Variants in HAT1 observed in about 807,000 individuals in gnomAD.
HAT1 encodes the protein histone acetyltransferase type B catalytic subunit.
In HAT1, 20 loss-of-function variants were observed where a neutral mutation model predicts 56.6. That is an observed-to-expected ratio of 0.35 (90% confidence interval 0.25 to 0.51). The LOEUF (loss-of-function observed/expected upper bound fraction) is 0.51, where lower values mean the gene tolerates loss of function less well. Ranked by LOEUF, HAT1 falls within the 20% of genes least tolerant of loss-of-function variation. HAT1 has a pLI of 0.95. For missense variants in HAT1, 408 were observed against 504.3 expected (o/e 0.81, Z 1.83); for synonymous variants, 146 against 165.5 (o/e 0.88, Z 0.91).
rs747987868 is a variant in HAT1, at chr2:171,976,176, C to T, written c.843C>T (p.Ser281=). ...ATTTAGCGGAAGATCCATCCAAAAG[C>T]TATGTGAAATTACGAGACTTTGTGC... is the stretch of plus-strand genomic sequence containing the variant. The part of the protein sequence containing the change: ...LDITAEDPSK[S]YVKLRDFVLV... The change falls in exon 9 of 11, where the codon AGC becomes AGT. Residue 281 remains serine, a synonymous_variant. Transcript: ENST00000264108. 1.3e-6 allele frequency: 2 copies of T among 1,583,558 alleles called. No individual in the cohort carries two copies. The highest frequency in any genetic ancestry group is 4.6e-5 in the East Asian group (2 of 43,870).
intron 10 of HAT1, chr2:171,979,721 C>T (rs772331209): frequency 4.3e-5 from 7 of 162,268 alleles, no homozygotes; most frequent in Non-Finnish European, 8.0e-5. Flanking sequence ...GCAGGAGAAT[C>T]GCTTGAATCC....
rs181820475 is a variant in HAT1 at position 171,930,297 on chromosome 2, G to A, written c.112+4656G>A. On this transcript the variant is annotated intron_variant, in intron 2 of 10. Coordinates refer to ENST00000264108, the MANE Select transcript of HAT1 (RefSeq NM_003642.4). ...AGTGATCCTCTTACCACAGCTTCCC[G>A]AGTAGCTGGGACTCCGCATACACCA... Among the ~76,000 whole-genome samples the A allele has an allele frequency of 1.4e-3, 219 of 152,142 alleles. 1 individual carries two copies. The highest frequency in any genetic ancestry group is 5.2e-3 in the African/African-American group (216 of 41,486).
chr2:171,965,598 T>G lies in HAT1; in HGVS notation c.489+81T>G, dbSNP rs1472063399. The stretch of plus-strand genomic sequence containing the variant: ...TGTAGTTTTGTTGTCAGTGATTTAT[T>G]CTAACTGCAGTAAACAAGTTTTAAT... On this transcript the variant is annotated intron_variant, in intron 5 of 10. Transcript: ENST00000264108. The G allele has an allele frequency of 4.8e-6, 5 of 1,035,820 alleles. No homozygotes were observed. In the African/African-American group the frequency reaches 8.0e-5, roughly 17 times the overall value. 64.2% of individuals were successfully genotyped at this position (1,035,820 alleles called of 1,614,324 possible).
At chr2:171,969,591 A>G (rs2105338246) in intron 8 of HAT1, among the ~76,000 whole-genome samples, 1 of 152,334 alleles carries the variant, frequency 6.6e-6, no homozygotes, top group South Asian at 2.1e-4. Flanking sequence ...AGGATGTCAT[A>G]CATTATTGGG....
rs138709778 is a variant in HAT1 at position 171,944,441 on chromosome 2, G to A, written c.113-2267G>A. Among the ~76,000 whole-genome samples, 591 of 152,336 alleles carry A rather than the reference G, an allele frequency of 3.9e-3. 3 individuals are homozygous for A. Among genetic ancestry groups the A allele is most frequent in the Middle Eastern group, 0.024 (7 of 294 alleles). On this transcript the variant is annotated intron_variant, in intron 2 of 10. Coordinates refer to ENST00000264108, the MANE Select transcript of HAT1 (RefSeq NM_003642.4). ...TAGATTTAAGATAAAAATTTTTGGT[G>A]AGAAAACTTCATGGGTGATGCAGCA...
Position 171,965,815 on chromosome 2 carries a change from A to C in HAT1, c.518A>C (p.Glu173Ala). ...KADMTCRGFR[E>A]YHERLQTFLM... is the part of the protein sequence containing the mutation. ...GACATGACATGTAGAGGCTTTCGAGAATATCATGAAAGGCTTCAGACCTTT... is the reference window on the plus strand; with the variant it reads ...GACATGACATGTAGAGGCTTTCGAGCATATCATGAAAGGCTTCAGACCTTT... The change falls in exon 6 of 11, where the codon GAA (glutamate) becomes GCA (alanine). Residue 173 changes from glutamate to alanine, a missense_variant. Physicochemically the swap from Glu to Ala is moderately radical, Grantham distance 107 (BLOSUM62 -1). Transcript: ENST00000264108. 6 of 1,613,362 alleles carry C rather than the reference A, an allele frequency of 3.7e-6. No homozygotes were observed. Among genetic ancestry groups the C allele is most frequent in the Non-Finnish European group, 5.1e-6 (6 of 1,179,394 alleles).
intron 2 of HAT1, among the ~76,000 whole-genome samples, chr2:171,945,288 AAATAAAAAT>A (rs1687130420): frequency 1.3e-5 from 2 of 152,162 alleles, no homozygotes; most frequent in African/African-American, 4.8e-5. Flanking sequence ...CAACAAATAC[AAATAAAAAT>A]AATAAAAGGA....
At chr2:171,962,291 A>G (rs1281469229) in intron 4 of HAT1, among the ~76,000 whole-genome samples, 1 of 152,254 alleles carries the variant, frequency 6.6e-6, no homozygotes, top group Non-Finnish European at 1.5e-5. Context: ...CTACCAGAAT[A>G]TCTAACTAGA....
At chr2:171,964,905 G>A (rs747688959) in intron 4 of HAT1, 1 of 153,128 alleles carries the variant, frequency 6.5e-6, no homozygotes, top group African/African-American at 2.4e-5. Context: ...TTGTGAGATT[G>A]CTATTCATTT....
chr2:171,953,228 T>C (rs1483889496), intron 4 of HAT1, among the ~76,000 whole-genome samples: 30 of 151,752 alleles, frequency 2.0e-4, no homozygotes, highest in Middle Eastern at 3.4e-3. Context: ...TGTCTGTAAT[T>C]CCAGCTACTC....
chr2:171,944,275 A>G (rs1213772590), intron 2 of HAT1, among the ~76,000 whole-genome samples: 2 of 152,200 alleles, frequency 1.3e-5, no homozygotes, highest in East Asian at 1.9e-4. Flanking sequence ...TTTCCCCTAC[A>G]TGACATTGAT....
At chr2:171,952,008 C>T (rs1687320490) in intron 3 of HAT1, among the ~76,000 whole-genome samples, 1 of 152,168 alleles carries the variant, frequency 6.6e-6, no homozygotes, top group African/African-American at 2.4e-5. Flanking sequence ...TTCTTTCAAA[C>T]ACTTTTCTTT....
At chr2:171,973,700 T>C (rs1199423414) in intron 8 of HAT1, among the ~76,000 whole-genome samples, 1 of 152,154 alleles carries the variant, frequency 6.6e-6, no homozygotes, top group Non-Finnish European at 1.5e-5. Flanking sequence ...ATGTGAAGGA[T>C]GTAGGTCGAA....
At chr2:171,970,133 T>C (rs1687777930) in intron 8 of HAT1, among the ~76,000 whole-genome samples, 1 of 152,022 alleles carries the variant, frequency 6.6e-6, no homozygotes, top group East Asian at 1.9e-4. Context: ...GCACTCCAGC[T>C]AGGGGGACAG....
chr2:171,947,773 G>A (rs994439025), intron 3 of HAT1, among the ~76,000 whole-genome samples: 1 of 152,126 alleles, frequency 6.6e-6, no homozygotes, highest in African/African-American at 2.4e-5. Context: ...TGGCTACTCG[G>A]GAGGCTGAGG....
Position 171,966,453 on chromosome 2 carries a change from T to A in HAT1, c.656T>A (p.Val219Glu). ...NKDGATLFATVGYMTVYNYYV... is the reference protein window; with the variant it reads ...NKDGATLFATEGYMTVYNYYV... ...GATGGAGCTACGCTCTTTGCGACCG[T>A]AGGCTACATGACAGTCTATAATTAC... The change falls in exon 7 of 11, where the codon GTA becomes GAA. Residue 219 changes from valine (V) to glutamate (E), a missense_variant. By Grantham distance (121) the Val-to-Glu change is moderately radical. Coordinates refer to ENST00000264108, the MANE Select transcript of HAT1 (RefSeq NM_003642.4). 2 of 1,604,236 alleles carry A rather than the reference T, an allele frequency of 1.2e-6. No individual in the cohort carries two copies. The highest frequency in any genetic ancestry group is 1.7e-6 in the Non-Finnish European group (2 of 1,170,938).
intron 2 of HAT1, 135 bp from the exon 3 acceptor site, chr2:171,946,573 G>C (rs1380000968): frequency 1.6e-6 from 1 of 628,734 alleles, no homozygotes; most frequent in Non-Finnish European, 2.8e-6. Context: ...ATCATATAAT[G>C]GTGAAATGAC....
At chr2:171,950,541 T>C (rs751347538) in intron 3 of HAT1, among the ~76,000 whole-genome samples, 4 of 151,994 alleles carry the variant, frequency 2.6e-5, no homozygotes, top group Non-Finnish European at 4.4e-5. Context: ...TCTCACTCTG[T>C]TGCCCAGGCT....
rs147551932 is a variant in HAT1 at position 171,977,894 on chromosome 2, T to C, written c.976-1353T>C. On this transcript the variant is annotated intron_variant, in intron 9 of 10. Transcript: ENST00000264108. The stretch of plus-strand genomic sequence containing the variant: ...TTCCCTTCCAGGAAGTCAGAAAATA[T>C]TACCTTCCCAACCTATCCATACCCC... Among the ~76,000 whole-genome samples the C allele has an allele frequency of 3.9e-4, 60 of 151,990 alleles. 1 individual carries two copies. The East Asian group carries it at 7.4e-3, about 19-fold the overall frequency.
Sources: gnomAD v4.1 joint callset for allele counts (sites outside exome capture counted in the v4.1 genomes callset) on GRCh38, gnomAD v4.1.1 for gene constraint, MANE v1.5 for transcripts, NCBI Gene and HGNC (gene_info 2026-07-23, HGNC 2026-07-21) for gene names.